APLP2: variants seen among roughly 807,000 people sequenced by gnomAD.
APLP2 encodes the protein amyloid beta precursor like protein 2, also known as CDEI box-binding protein.
In APLP2, 53 loss-of-function variants were observed where a neutral mutation model predicts 89.9. That is an observed-to-expected ratio of 0.59 (90% CI 0.47 to 0.74). The LOEUF is 0.74. Ranked by LOEUF, APLP2 falls within the 30% of genes least tolerant of loss-of-function variation. The probability of loss-of-function intolerance (pLI) is 0.00; values close to 1 mark genes in which losing one functional copy is unlikely to be tolerated. For synonymous variants in APLP2, 372 were observed against 348.6 expected, an observed-to-expected ratio of 1.07 and a Z score of -0.75; for missense variants, 973 against 975.9, an observed-to-expected ratio of 1.00 and a Z score of 0.04.
At chr11:130,140,592 C>A in intron 14 of APLP2, 109 bp downstream of exon 14, 1 of 869,756 alleles carries the variant, frequency 1.1e-6, no homozygotes, top group Non-Finnish European at 1.7e-6. Flanking sequence ...TCGTTTTCCG[C>A]ACAGTAGAAG....
At chr11:130,070,250 A>C (rs1245690277) in intron 1 of APLP2, among the ~76,000 whole-genome samples, 168 bp downstream of exon 1, 13 of 150,262 alleles carry the variant, frequency 8.7e-5, no homozygotes, top group Non-Finnish European at 1.3e-4. Context: ...TGCTTGGCGC[A>C]GTGCTTAGCG....
chr11:130,108,773 A>G (rs1171549940), intron 1 of APLP2: 2 of 152,256 alleles, frequency 1.3e-5, no homozygotes, highest in African/African-American at 2.4e-5. Context: ...TCATTGCAGC[A>G]CTATTCACAA....
intron 1 of APLP2, among the ~76,000 whole-genome samples, chr11:130,105,105 T>C (rs1947477170): frequency 6.6e-6 from 1 of 152,236 alleles, no homozygotes. Context: ...TAGAAAATCA[T>C]ACATTTTCCA....
intron 1 of APLP2, among the ~76,000 whole-genome samples, chr11:130,076,764 A>G (rs1017447427): frequency 8.5e-5 from 13 of 152,204 alleles, no homozygotes; most frequent in Non-Finnish European, 1.6e-4. Context: ...AGGAAGAGAT[A>G]GTCTCTTCCT....
intron 1 of APLP2, among the ~76,000 whole-genome samples, chr11:130,108,280 C>T (rs2135774006): frequency 6.6e-6 from 1 of 152,018 alleles, no homozygotes; most frequent in Non-Finnish European, 1.5e-5. Flanking sequence ...GAACAGGCAA[C>T]CTTGGGAGAA....
Position 130,070,032 on chromosome 11 carries a change from C to T in APLP2, c.55C>T (p.Leu19=). The T allele has an allele frequency of 3.3e-6, 5 of 1,515,352 alleles. No individual in the cohort carries two copies. The highest frequency in any genetic ancestry group is 4.4e-6 in the Non-Finnish European group (5 of 1,139,258). 93.9% of individuals were successfully genotyped at this position (1,515,352 alleles called of 1,614,324 possible). ...AAATGRLLLL[L]LVGLTAPALA... ...AGCCACGGGCAGGCTCCTGCTTCTG[C>T]TGCTGGTGGGGCTCACGGCGCCTGC... Residue 19 remains leucine (L), a synonymous_variant, in exon 1 of 17, where the codon CTG becomes TTG. Coordinates refer to ENST00000338167, the MANE Select transcript of APLP2 (RefSeq NM_001142276.2).
At chr11:130,086,190 C>A (rs1172326202) in intron 1 of APLP2, among the ~76,000 whole-genome samples, 1 of 152,238 alleles carries the variant, frequency 6.6e-6, no homozygotes, top group Non-Finnish European at 1.5e-5. Context: ...TTCTCCACAT[C>A]CTTGCCAACA....
At chr11:130,077,831 T>C (rs1235218176) in intron 1 of APLP2, among the ~76,000 whole-genome samples, 1 of 152,224 alleles carries the variant, frequency 6.6e-6, no homozygotes, top group Non-Finnish European at 1.5e-5. Flanking sequence ...GGTAAGAATG[T>C]CAAGCTGTTT....
intron 13 of APLP2, chr11:130,138,991 T>C (rs189269157): frequency 6.6e-6 from 1 of 152,260 alleles, no homozygotes. Context: ...GAAACATATA[T>C]ATGGAAGGAG....
At chr11:130,078,507 G>A (rs530275171) in intron 1 of APLP2, among the ~76,000 whole-genome samples, 1 of 151,930 alleles carries the variant, frequency 6.6e-6, no homozygotes, top group South Asian at 2.1e-4. Context: ...TGTTATGGTA[G>A]GTGCTTTTTG....
chr11:130,102,229 T>C (rs1011057), intron 1 of APLP2, among the ~76,000 whole-genome samples: 38,157 of 152,076 alleles, frequency 0.25, 7,077 homozygotes, highest in African/African-American at 0.52. Context: ...TATATAGGAT[T>C]TTCGTATCTT....
chr11:130,090,965 C>T (rs1361175480), intron 1 of APLP2, among the ~76,000 whole-genome samples: 67 of 139,694 alleles, frequency 4.8e-4, no homozygotes, highest in African/African-American at 1.9e-3. Context: ...ACCTCCCTCC[C>T]GGACGGGGCG....
At chr11:130,082,784 T>C in intron 1 of APLP2, 2 of 201,200 alleles carry the variant, frequency 9.9e-6, no homozygotes, top group Non-Finnish European at 2.1e-5. Flanking sequence ...TATGTCAGAC[T>C]CATTGCCTAT....
rs1949859196 is a variant in APLP2 at position 130,121,823 on chromosome 11, C to T, written c.713+13C>T. ...ATGTTTATAAAAGGTAACTCTTCTACTTTGAACTGTGAAGTCGTTTTGCCT... is the reference window on the plus strand; with the variant it reads ...ATGTTTATAAAAGGTAACTCTTCTATTTTGAACTGTGAAGTCGTTTTGCCT... On this transcript the variant is annotated intron_variant, in intron 5 of 16. Coordinates refer to ENST00000338167, the MANE Select transcript of APLP2 (RefSeq NM_001142276.2). The T allele has an allele frequency of 6.2e-7, 1 of 1,604,896 alleles. No homozygotes were observed.
intron 3 of APLP2, among the ~76,000 whole-genome samples, chr11:130,116,585 C>T (rs999378155): frequency 3.9e-5 from 6 of 152,022 alleles, no homozygotes; most frequent in East Asian, 3.9e-4. Flanking sequence ...CTGCGTGTCC[C>T]CCTTTCCACC....
At chr11:130,115,343 T>C (rs1223347307) in intron 3 of APLP2, among the ~76,000 whole-genome samples, 1 of 152,156 alleles carries the variant, frequency 6.6e-6, no homozygotes, top group Non-Finnish European at 1.5e-5. Flanking sequence ...TATGCATGGG[T>C]GTTGGTGTTG....
At chr11:130,077,650 A>G (rs1038973474) in intron 1 of APLP2, among the ~76,000 whole-genome samples, 3 of 152,064 alleles carry the variant, frequency 2.0e-5, no homozygotes, top group African/African-American at 7.2e-5. Flanking sequence ...ACGGAAATAT[A>G]ACATTACCAA....
At chr11:130,111,420 T>C (rs747719988) in intron 3 of APLP2, among the ~76,000 whole-genome samples, 6 of 152,176 alleles carry the variant, frequency 3.9e-5, no homozygotes, top group Non-Finnish European at 7.3e-5. Flanking sequence ...CCTGATGGGA[T>C]TAAAGTAGAT....
chr11:130,110,257 A>G (rs544762369), intron 2 of APLP2, among the ~76,000 whole-genome samples: 1 of 152,328 alleles, frequency 6.6e-6, no homozygotes, highest in Non-Finnish European at 1.5e-5. Flanking sequence ...CATCTCATGA[A>G]TTTGTTTTGG....
Sources: allele counts gnomAD v4.1 joint callset (sites outside exome capture counted in the v4.1 genomes callset), GRCh38; gene constraint gnomAD v4.1.1; transcripts MANE v1.5; gene names NCBI Gene and HGNC (gene_info 2026-07-23, HGNC 2026-07-21).